ARHGEF10: variants seen among roughly 807,000 people sequenced by gnomAD.
The protein encoded by ARHGEF10 is Rho guanine nucleotide exchange factor 10, also known as Rho guanine nucleotide exchange factor (GEF) 10.
A neutral mutation model predicts 147.4 loss-of-function variants in ARHGEF10; 140 were observed. That is an observed-to-expected ratio of 0.95 (90% CI 0.83 to 1.09). The LOEUF is 1.09. Ranked by LOEUF, ARHGEF10 falls within the 50% of genes least tolerant of loss-of-function variation. The pLI, the probability that ARHGEF10 is intolerant of heterozygous loss-of-function variation, is 0.00. For synonymous variants in ARHGEF10, 902 were observed against 695.8 expected, an observed-to-expected ratio of 1.30 and a Z score of -4.67; for missense variants, 2,222 against 1,752.7, an observed-to-expected ratio of 1.27 and a Z score of -4.78.
intron 2 of ARHGEF10, among the ~76,000 whole-genome samples, chr8:1,844,734 G>C (rs981636187): frequency 2.6e-5 from 4 of 152,114 alleles, no homozygotes; most frequent in African/African-American, 9.7e-5. Flanking sequence ...CTTACGTGTG[G>C]ATTGCTGGCA....
Position 1,880,183 on chromosome 8 carries a change from C to T in ARHGEF10, c.960+19C>T, listed in dbSNP as rs750596709. 9.6e-6 allele frequency: 15 copies of T among 1,565,898 alleles called. No individual in the cohort carries two copies. The Admixed American group carries it at 2.3e-4, about 24-fold the overall frequency. On this transcript the variant is annotated intron_variant, in intron 9 of 28. Coordinates refer to ENST00000349830, the MANE Select transcript of ARHGEF10 (RefSeq NM_014629.4). ...ACTGAAGGTAGAGTCTTGCCCCCGG[C>T]CGCTGCCCCCACTTGCCAGCCGGGC...
intron 18 of ARHGEF10, among the ~76,000 whole-genome samples, chr8:1,910,116 C>A (rs549381793): frequency 2.6e-5 from 4 of 152,074 alleles, no homozygotes; most frequent in Non-Finnish European, 5.9e-5. Flanking sequence ...CAAAGAACGA[C>A]TGGCTAAGTT....
chr8:1,945,755 G>A, intron 27 of ARHGEF10, 100 bp downstream of exon 27: 1 of 1,502,152 alleles, frequency 6.7e-7, no homozygotes, highest in South Asian at 1.1e-5. Flanking sequence ...CCCAGTGCAG[G>A]ACACTGTTCA....
rs192369137 is a variant in ARHGEF10, at chr8:1,829,655, G to T, written c.-48+5542G>T. 1.4e-4 allele frequency among the ~76,000 whole-genome samples: 22 copies of T among 152,328 alleles called. No individual in the cohort carries two copies. In the East Asian group the frequency reaches 4.1e-3, roughly 28 times the overall value. ...GAGGCACTTCTTGCAGAGCAGGGCT[G>T]AGGAGAATTCCTTTCTCTGGAAGCT... is the stretch of plus-strand genomic sequence containing the variant. On this transcript the variant is annotated intron_variant, in intron 1 of 28. Coordinates refer to ENST00000349830, the MANE Select transcript of ARHGEF10 (RefSeq NM_014629.4).
chr8:1,826,176 T>C lies in ARHGEF10; in HGVS notation c.-48+2063T>C, dbSNP rs191294097. 1.8e-4 allele frequency: 278 copies of C among 1,553,446 alleles called. 1 individual carries two copies. In the African/African-American group the frequency reaches 3.2e-3, roughly 18 times the overall value. On this transcript the variant is annotated intron_variant, in intron 1 of 28. Coordinates refer to ENST00000349830, the MANE Select transcript of ARHGEF10 (RefSeq NM_014629.4). ...TGTATAAGGTGCTATTTGTAATTCA[T>C]TAGTTGTAGACAGTTGGGGGTGAAG...
intron 1 of ARHGEF10, among the ~76,000 whole-genome samples, chr8:1,825,830 C>T (rs183429122): frequency 2.0e-5 from 3 of 152,340 alleles, no homozygotes; most frequent in Non-Finnish European, 2.9e-5. Context: ...AACCTGAGTA[C>T]GGACTGGTCA....
intron 25 of ARHGEF10, among the ~76,000 whole-genome samples, chr8:1,930,487 A>C (rs936550867): frequency 7.5e-5 from 11 of 147,126 alleles, no homozygotes; most frequent in Non-Finnish European, 3.0e-5. Flanking sequence ...TAAGGTTTTT[A>C]CCCTCCCCGC....
chr8:1,843,502 A>G, intron 2 of ARHGEF10, 66 bp downstream of exon 2: 2 of 1,230,608 alleles, frequency 1.6e-6, no homozygotes, highest in Non-Finnish European at 2.4e-6. Flanking sequence ...AGGACGGGGT[A>G]CTTCTGGAAC....
At position 1,937,225 on chromosome 8, in the gene ARHGEF10, G is replaced by C. The variant is rs1007783996; in HGVS notation, c.3222+3283G>C. Among the ~76,000 whole-genome samples, 5 of 152,310 alleles carry C rather than the reference G, an allele frequency of 3.3e-5. No individual in the cohort carries two copies. The East Asian group carries it at 9.7e-4, about 29-fold the overall frequency. ...CTTATTTCACGTGCCCTGAGAATGAGAAGCCTTCAGTTTCGTGGGGAGCCA... is the reference window on the plus strand; with the variant it reads ...CTTATTTCACGTGCCCTGAGAATGACAAGCCTTCAGTTTCGTGGGGAGCCA... On this transcript the variant is annotated intron_variant, in intron 26 of 28. Transcript: ENST00000349830. This position sits in a 1 kb window ranked among gnomAD's most constrained non-coding sequence, Gnocchi z 4.9.
intron 11 of ARHGEF10, among the ~76,000 whole-genome samples, chr8:1,887,896 C>G (rs1808830196): frequency 7.0e-6 from 1 of 142,352 alleles, no homozygotes; most frequent in African/African-American, 2.7e-5. Flanking sequence ...GTGAGAGTTG[C>G]AAGGAAACAC....
At position 1,914,963 on chromosome 8, in the gene ARHGEF10, G is replaced by A. The variant is rs150113612; in HGVS notation, c.2143+5493G>A. Among the ~76,000 whole-genome samples the A allele has an allele frequency of 3.0e-4, 45 of 152,310 alleles. 1 individual carries two copies. Among genetic ancestry groups the A allele is most frequent in the African/African-American group, 9.6e-4 (40 of 41,550 alleles). On this transcript the variant is annotated intron_variant, in intron 18 of 28. Transcript: ENST00000349830. The stretch of plus-strand genomic sequence containing the variant: ...TTCCTGCAATGCGACACTGAGGTCG[G>A]CGTGCCTGTGGAATGTGACACCAAC...
intron 26 of ARHGEF10, among the ~76,000 whole-genome samples, chr8:1,935,472 G>T (rs182307494): frequency 6.6e-6 from 1 of 150,750 alleles, no homozygotes; most frequent in East Asian, 1.9e-4. Flanking sequence ...CCCCAGTCTC[G>T]GCAACCACTG....
At chr8:1,835,736 G>A (rs1210017919) in intron 1 of ARHGEF10, among the ~76,000 whole-genome samples, 1 of 152,178 alleles carries the variant, frequency 6.6e-6, no homozygotes, top group African/African-American at 2.4e-5. Context: ...CCACAGTCAC[G>A]CTGAACAGCG....
intron 10 of ARHGEF10, among the ~76,000 whole-genome samples, chr8:1,884,946 G>A (rs1479838489): frequency 1.3e-5 from 2 of 152,022 alleles, no homozygotes; most frequent in African/African-American, 4.8e-5. Context: ...TAAATTTTTT[G>A]TAGAGATGGA....
intron 11 of ARHGEF10, among the ~76,000 whole-genome samples, chr8:1,888,069 G>A (rs1003912352): frequency 1.4e-5 from 2 of 145,688 alleles, no homozygotes; most frequent in African/African-American, 2.6e-5. Flanking sequence ...GTGGGATGAG[G>A]GTTTATGAGG....
Position 1,860,147 on chromosome 8 carries a change from C to T in ARHGEF10, c.444C>T (p.Ser148=). 6.2e-7 allele frequency: 1 copy of T among 1,613,892 alleles called. No individual in the cohort carries two copies. The highest frequency in any genetic ancestry group is 8.5e-7 in the Non-Finnish European group (1 of 1,179,978). The stretch of plus-strand genomic sequence containing the variant: ...CCCTCCTGCTGCCCGCCTACTCCAG[C>T]CCGGTCATCATCTGCGCCACGTCCC... The part of the protein sequence containing the change: ...NLPLLLPAYS[S]PVIICATSLD... Residue 148 remains serine, a synonymous_variant, in exon 4 of 29, where the codon AGC becomes AGT. Transcript: ENST00000349830.
chr8:1,849,064 C>A (rs1260160469), intron 2 of ARHGEF10, among the ~76,000 whole-genome samples: 1 of 152,188 alleles, frequency 6.6e-6, no homozygotes, highest in Non-Finnish European at 1.5e-5. Context: ...GTGCTGGTCA[C>A]CCCTAGACAC....
intron 2 of ARHGEF10, among the ~76,000 whole-genome samples, chr8:1,855,600 G>A (rs1805490997): frequency 6.6e-6 from 1 of 151,722 alleles, no homozygotes; most frequent in Admixed American, 6.6e-5. Flanking sequence ...ATGTTGTCCA[G>A]GCTGGTCTCA....
rs562375630 is a variant in ARHGEF10 at position 1,864,098 on chromosome 8, G to A, written c.482-275G>A. Among the ~76,000 whole-genome samples, 5 of 152,080 alleles carry A rather than the reference G, an allele frequency of 3.3e-5. No homozygotes were observed. The East Asian group carries it at 5.8e-4, about 18-fold the overall frequency. On this transcript the variant is annotated intron_variant, in intron 4 of 28. Coordinates refer to ENST00000349830, the MANE Select transcript of ARHGEF10 (RefSeq NM_014629.4). ...CATGTGGAGTGGGAGAGAACATCCC[G>A]TTTCTTTCTAACTCTAGCCTGATGC...
Sources: allele counts gnomAD v4.1 joint callset (sites outside exome capture counted in the v4.1 genomes callset), GRCh38; gene constraint gnomAD v4.1.1; non-coding constraint Gnocchi (gnomAD v3.1); transcripts MANE v1.5; gene names NCBI Gene and HGNC (gene_info 2026-07-23, HGNC 2026-07-21).